TAX1BP1: variants seen among roughly 807,000 people sequenced by gnomAD.
TAX1BP1 encodes the protein Tax1 binding protein 1.
Under a neutral mutation model 97.7 loss-of-function variants are expected in TAX1BP1, and 62 were observed. The ratio of observed to expected loss-of-function variants is 0.63; its 90% CI spans 0.52 to 0.78. TAX1BP1 has a LOEUF of 0.78. Among genes scored for constraint, TAX1BP1 ranks in the 30% least tolerant of loss-of-function variants. The probability of loss-of-function intolerance (pLI) is 0.00; values close to 1 mark genes in which losing one functional copy is unlikely to be tolerated. For missense variants in TAX1BP1, 867 were observed against 916.1 expected, an observed-to-expected ratio of 0.95 and a Z score of 0.69; for synonymous variants, 340 against 304.2, an observed-to-expected ratio of 1.12 and a Z score of -1.23.
intron 2 of TAX1BP1, among the ~76,000 whole-genome samples, chr7:27,751,975 G>T (rs1420892872): frequency 6.6e-6 from 1 of 152,078 alleles, no homozygotes; most frequent in Non-Finnish European, 1.5e-5. Context: ...TTTAGAAGAT[G>T]AATGGGAAAA....
intron 13 of TAX1BP1, among the ~76,000 whole-genome samples, chr7:27,809,380 A>G (rs1206948231): frequency 6.6e-6 from 1 of 152,236 alleles, no homozygotes; most frequent in African/African-American, 2.4e-5. Flanking sequence ...TACATTCCTA[A>G]TGGAAGAAAA....
rs147296570 is a variant in TAX1BP1 at position 27,742,883 on chromosome 7, A to T, written c.-8+2614A>T. ...GTAAAATTTTGGAATTCAAAGTTTC[A>T]ACCTTTTTAATAATGTTAAAATAAT... On this transcript the variant is annotated intron_variant, in intron 1 of 16. Transcript: ENST00000396319. Among the ~76,000 whole-genome samples the T allele has an allele frequency of 5.7e-3, 872 of 152,350 alleles. 6 individuals carry two copies. Among genetic ancestry groups the T allele is most frequent in the Middle Eastern group, 0.02 (6 of 294 alleles).
intron 13 of TAX1BP1, among the ~76,000 whole-genome samples, chr7:27,812,865 A>G (rs555570018): frequency 2.0e-5 from 3 of 152,292 alleles, no homozygotes; most frequent in East Asian, 1.9e-4. Context: ...TAAGGCCTAT[A>G]TGCTAAATCT....
chr7:27,793,328 T>A, intron 10 of TAX1BP1, 116 bp downstream of exon 10: 1 of 963,708 alleles, frequency 1.0e-6, no homozygotes, highest in Non-Finnish European at 1.4e-6. Context: ...TCTGCTTGAT[T>A]TCAAGTCATT....
At chr7:27,759,071 T>G (rs760896633) in intron 3 of TAX1BP1, among the ~76,000 whole-genome samples, 1 of 152,174 alleles carries the variant, frequency 6.6e-6, no homozygotes, top group Non-Finnish European at 1.5e-5. Context: ...GTACTGACTT[T>G]AGGATTGTAT....
At chr7:27,774,600 A>C (rs1331760370) in intron 5 of TAX1BP1, among the ~76,000 whole-genome samples, 1 of 152,072 alleles carries the variant, frequency 6.6e-6, no homozygotes, top group Non-Finnish European at 1.5e-5. Context: ...TTTATTTGGA[A>C]TATGGGATTT....
At chr7:27,759,276 G>A (rs1003421154) in intron 3 of TAX1BP1, among the ~76,000 whole-genome samples, 4 of 152,052 alleles carry the variant, frequency 2.6e-5, no homozygotes, top group African/African-American at 7.2e-5. Context: ...TTCAAAATCT[G>A]TGTGTTAACA....
intron 5 of TAX1BP1, chr7:27,772,385 A>G (rs1788879268): frequency 6.6e-6 from 1 of 151,950 alleles, no homozygotes; most frequent in African/African-American, 2.4e-5. Context: ...TGAATATCTG[A>G]AAGATTGTTC....
intron 3 of TAX1BP1, among the ~76,000 whole-genome samples, chr7:27,759,726 G>T (rs1036401907): frequency 6.6e-6 from 1 of 152,120 alleles, no homozygotes; most frequent in Non-Finnish European, 1.5e-5. Flanking sequence ...TTAGCAGAAA[G>T]AAGTTTACAT....
In TAX1BP1 at chr7:27,827,803, C is replaced by T; in HGVS notation, c.2151C>T (p.Gly717=). ...PSQHLRGHGT[G]FCFDSSFDVH... ...AACATTTACGTGGGCATGGGACAGG[C>T]TTTTGCTTTGATTCCAGGTAGTTTT... Residue 717 remains glycine, a synonymous_variant, in exon 16 of 17, where the codon GGC becomes GGT. Coordinates refer to ENST00000396319, the MANE Select transcript of TAX1BP1 (RefSeq NM_006024.7). 1 of 1,613,760 alleles carries T rather than the reference C, an allele frequency of 6.2e-7. No homozygotes were observed. Among genetic ancestry groups the T allele is most frequent in the Non-Finnish European group, 8.5e-7 (1 of 1,179,824 alleles).
At chr7:27,793,415 GGC>G (rs1789794874) in intron 10 of TAX1BP1, among the ~76,000 whole-genome samples, 1 of 151,974 alleles carries the variant, frequency 6.6e-6, no homozygotes, top group African/African-American at 2.4e-5. Context: ...AGGAAGCAAG[GGC>G]AGTAGCAAGG....
chr7:27,822,355 C>G (rs1014792404), intron 15 of TAX1BP1, among the ~76,000 whole-genome samples: 1 of 152,168 alleles, frequency 6.6e-6, no homozygotes, highest in Non-Finnish European at 1.5e-5. Context: ...ATTACTAGGT[C>G]AGTTCCACTA....
intron 1 of TAX1BP1, among the ~76,000 whole-genome samples, chr7:27,745,195 C>T (rs1289740932): frequency 6.6e-6 from 1 of 152,164 alleles, no homozygotes; most frequent in African/African-American, 2.4e-5. Context: ...AGGGAGTGTA[C>T]TTCTCTCCAA....
chr7:27,786,959 A>G (rs1032087145), intron 7 of TAX1BP1, among the ~76,000 whole-genome samples: 1 of 152,220 alleles, frequency 6.6e-6, no homozygotes, highest in Non-Finnish European at 1.5e-5. Context: ...TTTTCAGCAC[A>G]TTGAAACTAA....
chr7:27,747,772 G>A (rs890867665), intron 1 of TAX1BP1, among the ~76,000 whole-genome samples: 1 of 150,620 alleles, frequency 6.6e-6, no homozygotes. Context: ...TACTTGGGGC[G>A]ATGTAGGGGC....
chr7:27,796,016 C>T, intron 11 of TAX1BP1, 100 bp from the exon 12 acceptor site: 1 of 792,194 alleles, frequency 1.3e-6, no homozygotes, highest in East Asian at 2.8e-5. Flanking sequence ...ATTCCATTTA[C>T]TATATTTTAC....
intron 13 of TAX1BP1, among the ~76,000 whole-genome samples, chr7:27,804,419 G>A (rs6970578): frequency 0.18 from 27,608 of 152,132 alleles, 2,830 homozygotes; most frequent in Admixed American, 0.25. Flanking sequence ...ATGTCTGTGT[G>A]GTATTGTTCC....
intron 15 of TAX1BP1, among the ~76,000 whole-genome samples, chr7:27,822,015 G>A (rs1583410976): frequency 6.6e-6 from 1 of 152,266 alleles, no homozygotes; most frequent in Admixed American, 6.5e-5. Context: ...TGAAGAATGG[G>A]TTTTATTCTT....
intron 8 of TAX1BP1, among the ~76,000 whole-genome samples, chr7:27,788,252 T>A (rs1789565543): frequency 6.6e-6 from 1 of 152,026 alleles, no homozygotes; most frequent in Non-Finnish European, 1.5e-5. Flanking sequence ...CCTGTTGGAG[T>A]CATATCAAAA....
Sources: gnomAD v4.1 joint callset for allele counts (sites outside exome capture counted in the v4.1 genomes callset) on GRCh38, gnomAD v4.1.1 for gene constraint, MANE v1.5 for transcripts, NCBI Gene and HGNC (gene_info 2026-07-23, HGNC 2026-07-21) for gene names.